The following LRRC49 variants were observed in gnomAD, a reference collection of about 807,000 sequenced individuals.
The protein encoded by LRRC49 is leucine-rich repeat-containing protein 49.
LRRC49 carries 50 observed loss-of-function variants against 83.3 expected under a neutral mutation model. The ratio of observed to expected loss-of-function variants is 0.60; its 90% confidence interval spans 0.48 to 0.76. The LOEUF (loss-of-function observed/expected upper bound fraction) is 0.76. Ranked by LOEUF, LRRC49 falls within the 30% of genes least tolerant of loss-of-function variation. The probability of loss-of-function intolerance (pLI) is 0.00; values close to 1 mark genes in which losing one functional copy is unlikely to be tolerated. For synonymous variants in LRRC49, 286 were observed against 283.3 expected (o/e 1.01, Z -0.10); for missense variants, 704 against 809.1 (o/e 0.87, Z 1.58).
chr15:70,957,625 A>G (rs539883322), intron 8 of LRRC49, among the ~76,000 whole-genome samples: 1 of 152,146 alleles, frequency 6.6e-6, no homozygotes, highest in Non-Finnish European at 1.5e-5. Flanking sequence ...GTATCTTTCC[A>G]GTCTTCAAGA....
intron 13 of LRRC49, among the ~76,000 whole-genome samples, chr15:71,010,650 A>G (rs1035724576): frequency 6.6e-6 from 1 of 152,004 alleles, no homozygotes; most frequent in Non-Finnish European, 1.5e-5. Flanking sequence ...AATAGCTGGA[A>G]AATTATTAGT....
Position 70,858,580 on chromosome 15 carries a change from G to C in LRRC49, c.-299+5111G>C, listed in dbSNP as rs527839981. On this transcript the variant is annotated intron_variant, in intron 1 of 16. Coordinates refer to the LRRC49 transcript ENST00000544974. ...GATTGTGCCATTGCACTCCTGCCTG[G>C]GCGACAGAGCGAGACTTGGTCTCAA... 3.9e-4 allele frequency: 182 copies of C among 463,940 alleles called. 1 individual carries two copies. In the East Asian group the frequency reaches 6.0e-3, roughly 15 times the overall value. The allele number at this position is 463,940 out of a possible 1,614,324, so 28.7% of individuals were successfully genotyped here. A position where few individuals can be genotyped will look rare whatever the true frequency, so the allele number is the denominator to read the frequency against.
At chr15:70,971,393 C>T (rs142811732) in intron 9 of LRRC49, among the ~76,000 whole-genome samples, 49 of 152,084 alleles carry the variant, frequency 3.2e-4, no homozygotes, top group Middle Eastern at 3.4e-3. Flanking sequence ...TCCAATTATG[C>T]GGTTGATTTT....
At position 70,859,312 on chromosome 15, in the gene LRRC49, G is replaced by A. The variant is rs529275341; in HGVS notation, c.-299+5843G>A. 2.1e-5 allele frequency: 17 copies of A among 797,384 alleles called. No individual in the cohort carries two copies. In the East Asian group the frequency reaches 4.1e-4, roughly 19 times the overall value. The allele number at this position is 797,384 out of a possible 1,614,324, so 49.4% of individuals were successfully genotyped here. ...AATTTGTCCTCATCAAGAAGGATGT[G>A]GATGAAGCTTACATGAACAAGATAG... is the stretch of plus-strand genomic sequence containing the variant. On this transcript the variant is annotated intron_variant, in intron 1 of 16. Coordinates refer to the LRRC49 transcript ENST00000544974.
intron 2 of LRRC49, among the ~76,000 whole-genome samples, chr15:70,875,439 A>G (rs1232934190): frequency 6.6e-6 from 1 of 152,218 alleles, no homozygotes; most frequent in African/African-American, 2.4e-5. Flanking sequence ...CATACATTTA[A>G]TTCTCACAAC....
intron 1 of LRRC49, among the ~76,000 whole-genome samples, chr15:70,860,782 T>A (rs1282890883): frequency 2.0e-5 from 3 of 152,248 alleles, no homozygotes; most frequent in Admixed American, 6.5e-5. Context: ...TTCTTTCTTG[T>A]CTAACAATAT....
intron 8 of LRRC49, among the ~76,000 whole-genome samples, chr15:70,958,692 A>G (rs1311986268): frequency 1.3e-5 from 2 of 152,230 alleles, no homozygotes; most frequent in African/African-American, 4.8e-5. Flanking sequence ...ATAAACTCAC[A>G]TCTTCACCTT....
chr15:71,009,614 A>G (rs1188902625), intron 12 of LRRC49, 193 bp from the exon 13 acceptor site: 3 of 452,218 alleles, frequency 6.6e-6, no homozygotes, highest in African/African-American at 2.0e-5. Flanking sequence ...GATGGATTCC[A>G]TCAATGGTGC....
chr15:70,863,800 C>T (rs1044316760), intron 1 of LRRC49, among the ~76,000 whole-genome samples: 1 of 152,222 alleles, frequency 6.6e-6, no homozygotes, highest in Non-Finnish European at 1.5e-5. Flanking sequence ...TACATGAAAA[C>T]TGAAAAGCCT....
chr15:70,920,453 T>C (rs2034966980), intron 7 of LRRC49, among the ~76,000 whole-genome samples: 1 of 152,184 alleles, frequency 6.6e-6, no homozygotes, highest in Admixed American at 6.5e-5. Context: ...TTAGAAGACA[T>C]TCAGATTGGG....
At chr15:70,856,373 C>T (rs1342080972) in intron 1 of LRRC49, among the ~76,000 whole-genome samples, 2 of 152,128 alleles carry the variant, frequency 1.3e-5, no homozygotes, top group Non-Finnish European at 2.9e-5. Flanking sequence ...CAGACATCAT[C>T]CAGCTCGGAG....
rs1193597735 is a variant in LRRC49, at chr15:70,862,923, G to A, written c.-299+9454G>A. Among the ~76,000 whole-genome samples, 2 of 152,152 alleles carry A rather than the reference G, an allele frequency of 1.3e-5. 1 individual carries two copies. Among genetic ancestry groups the A allele is most frequent in the Non-Finnish European group, 2.9e-5 (2 of 68,022 alleles). On this transcript the variant is annotated intron_variant, in intron 1 of 16. Transcript: ENST00000544974. Reference sequence around the variant, plus strand: ...CTTAGCAGGAGCAGGCATCAGACCAGCCTGCTGCAAACAATTGTTCAGGTT... The same window carrying A: ...CTTAGCAGGAGCAGGCATCAGACCAACCTGCTGCAAACAATTGTTCAGGTT...
intron 11 of LRRC49, among the ~76,000 whole-genome samples, chr15:70,998,893 A>C (rs965742789): frequency 2.0e-5 from 3 of 149,898 alleles, no homozygotes; most frequent in African/African-American, 7.4e-5. Context: ...ATTTAACCTC[A>C]CTCCTCAGAC....
At chr15:70,910,095 G>C (rs2034489663) in intron 5 of LRRC49, among the ~76,000 whole-genome samples, 1 of 152,048 alleles carries the variant, frequency 6.6e-6, no homozygotes, top group Non-Finnish European at 1.5e-5. Context: ...TGATGTGAGA[G>C]GAGACTGATG....
intron 14 of LRRC49, among the ~76,000 whole-genome samples, chr15:71,017,477 G>A (rs1660971): frequency 0.81 from 123,440 of 151,932 alleles, 50,506 homozygotes; most frequent in Admixed American, 0.86. Flanking sequence ...TTTGCAGCAT[G>A]TTTAACAGAA....
chr15:70,873,211 T>C, exon 2 of LRRC49: 5 of 1,536,078 alleles, frequency 3.3e-6, no homozygotes, highest in Non-Finnish European at 3.5e-6. Context: ...TAAAGATGGA[T>C]TGCCAAGCTG....
intron 14 of LRRC49, among the ~76,000 whole-genome samples, chr15:71,023,118 C>A (rs935550152): frequency 6.6e-6 from 1 of 152,054 alleles, no homozygotes; most frequent in African/African-American, 2.4e-5. Context: ...AATAAAAATA[C>A]CCATTTCAAA....
At chr15:70,940,251 A>ATTTTTTTTTT in intron 8 of LRRC49, among the ~76,000 whole-genome samples, 1 of 87,066 alleles carries the variant, frequency 1.1e-5, no homozygotes, top group Non-Finnish European at 2.4e-5. Context: ...GAATATATGG[A>ATTTTTTTTTT]TTTTTTTTTT....
At chr15:70,930,064 T>A (rs201260002) in intron 7 of LRRC49, among the ~76,000 whole-genome samples, 1 of 152,170 alleles carries the variant, frequency 6.6e-6, no homozygotes, top group Non-Finnish European at 1.5e-5. Context: ...CTTAATAGCA[T>A]CTAGGATGGT....
Sources: gnomAD v4.1 joint callset for allele counts (sites outside exome capture counted in the v4.1 genomes callset) on GRCh38, gnomAD v4.1.1 for gene constraint, MANE v1.5 for transcripts, NCBI Gene and HGNC (gene_info 2026-07-23, HGNC 2026-07-21) for gene names.